CCDC180: variants seen among roughly 807,000 people sequenced by gnomAD.
CCDC180 encodes coiled-coil domain-containing protein 180.
Under a neutral mutation model 209.2 loss-of-function variants are expected in CCDC180, and 154 were observed. The ratio of observed to expected loss-of-function variants is 0.74; its 90% CI spans 0.65 to 0.84. The LOEUF (loss-of-function observed/expected upper bound fraction) is 0.84. Among genes scored for constraint, CCDC180 ranks in the 40% least tolerant of loss-of-function variants. CCDC180 has a pLI of 0.00. For synonymous variants in CCDC180, 778 were observed against 749.1 expected (o/e 1.04, Z -0.63); for missense variants, 1,874 against 1,997.3 (o/e 0.94, Z 1.18).
chr9:97,372,014 C>A, intron 34 of CCDC180: 1 of 203,810 alleles, frequency 4.9e-6, no homozygotes, highest in Non-Finnish European at 9.8e-6. Context: ...TCTTTGTAGC[C>A]AAAAAAATCC....
chr9:97,322,588 G>A (rs568796413), intron 11 of CCDC180, among the ~76,000 whole-genome samples: 2 of 152,254 alleles, frequency 1.3e-5, no homozygotes, highest in East Asian at 3.9e-4. Context: ...CCCTGAAACC[G>A]AGTCAAGAAT....
In CCDC180 at chr9:97,364,275, G is replaced by A. The variant is rs1826856777; in HGVS notation, c.3980+147G>A. 1.2e-5 allele frequency: 8 copies of A among 649,580 alleles called. No individual in the cohort carries two copies. In the Admixed American group the frequency reaches 1.6e-4, roughly 13 times the overall value. The allele number at this position is 649,580 out of a possible 1,614,324, so 40.2% of individuals were successfully genotyped here. A position where few individuals can be genotyped will look rare whatever the true frequency, so the allele number is the denominator to read the frequency against. Reference sequence around the variant, plus strand: ...GGTGAGAGGAGATAGCAAGGTCAAGGTCAGTTTGTCTCAGCCCATTTCACC... The same window carrying A: ...GGTGAGAGGAGATAGCAAGGTCAAGATCAGTTTGTCTCAGCCCATTTCACC... On this transcript the variant is annotated intron_variant, in intron 29 of 36. Transcript: ENST00000529487.
intron 34 of CCDC180, chr9:97,373,832 G>C (rs1308171099): frequency 6.6e-6 from 1 of 152,216 alleles, no homozygotes; most frequent in East Asian, 1.9e-4. Flanking sequence ...TCAAAGGTGA[G>C]CCTTGTTTGG....
chr9:97,337,964 A>G lies in CCDC180; in HGVS notation c.2275-5376A>G, dbSNP rs138116471. Among the ~76,000 whole-genome samples the G allele has an allele frequency of 8.4e-3, 1,278 of 152,272 alleles. 17 individuals are homozygous for G. The highest frequency in any genetic ancestry group is 0.029 in the African/African-American group (1,194 of 41,534). ...AGTTTATTTGCATAGCGGTGTTTAT[A>G]GTATTCTCTGATGGTAGTTTGTATT... is the stretch of plus-strand genomic sequence containing the variant. On this transcript the variant is annotated intron_variant, in intron 18 of 36. Transcript: ENST00000529487.
chr9:97,322,809 T>G, intron 11 of CCDC180, 24 bp from the exon 12 acceptor site: 2 of 1,608,040 alleles, frequency 1.2e-6, no homozygotes, highest in Non-Finnish European at 1.7e-6. Context: ...CTGGACTGAT[T>G]TGCTTTGTTT....
intron 26 of CCDC180, among the ~76,000 whole-genome samples, 190 bp downstream of exon 26, chr9:97,360,291 G>A (rs1049205150): frequency 6.6e-6 from 1 of 152,014 alleles, no homozygotes; most frequent in Non-Finnish European, 1.5e-5. Context: ...TCCCCAGGGG[G>A]CCACTTCCTT....
chr9:97,343,442 G>A lies in CCDC180; in HGVS notation c.2377G>A (p.Glu793Lys). ...TTATTTTGTCTTTGTACCCCTGGAA[G>A]AAGAGCATTGTAGGAAGTCCCATTC... ...NTYFVFVPLE[E>K]EHCRKSHSTF... is the part of the protein sequence containing the mutation. Residue 793 changes from glutamate to lysine, a missense_variant, in exon 19 of 37, where the codon GAA becomes AAA. Coordinates refer to ENST00000529487, the MANE Select transcript of CCDC180 (RefSeq NM_020893.6). 1 of 1,613,950 alleles carries A rather than the reference G, an allele frequency of 6.2e-7. No homozygotes were observed. Among genetic ancestry groups the A allele is most frequent in the Non-Finnish European group, 8.5e-7 (1 of 1,179,824 alleles).
chr9:97,331,118 C>T lies in CCDC180; in HGVS notation c.2274+351C>T, dbSNP rs148705365. ...AATAGTTCCCAGTATCTGCTGTTCG[C>T]CTCCTAGTATCCATGTGTTCTTTGT... is the stretch of plus-strand genomic sequence containing the variant. On this transcript the variant is annotated intron_variant, in intron 18 of 36. Coordinates refer to ENST00000529487, the MANE Select transcript of CCDC180 (RefSeq NM_020893.6). Among the ~76,000 whole-genome samples the T allele has an allele frequency of 5.1e-4, 78 of 152,214 alleles. 1 individual carries two copies. Among genetic ancestry groups the T allele is most frequent in the African/African-American group, 1.9e-3 (77 of 41,538 alleles).
chr9:97,326,659 A>T lies in CCDC180; in HGVS notation c.1651A>T (p.Met551Leu). Reference protein sequence around the residue: ...LEKVKDYLKNMKSRYECFHTL... With the variant: ...LEKVKDYLKNLKSRYECFHTL... ...AAAGGTCAAAGATTATCTGAAGAAC[A>T]TGAAATCCAGGTAGGCCAACCAGAC... Residue 551 changes from methionine (M) to leucine (L), a missense_variant, in exon 15 of 37, where the codon ATG becomes TTG. By Grantham distance (15) the Met-to-Leu change is conservative (BLOSUM62 2). Coordinates refer to ENST00000529487, the MANE Select transcript of CCDC180 (RefSeq NM_020893.6). 1.2e-6 allele frequency: 2 copies of T among 1,608,216 alleles called. No homozygotes were observed. Among genetic ancestry groups the T allele is most frequent in the Non-Finnish European group, 1.7e-6 (2 of 1,174,616 alleles).
At chr9:97,363,049 T>G (rs2117898999) in intron 28 of CCDC180, among the ~76,000 whole-genome samples, 1 of 152,240 alleles carries the variant, frequency 6.6e-6, no homozygotes, top group South Asian at 2.1e-4. Context: ...CCATCCAGGG[T>G]GTTTCAGCAG....
chr9:97,307,688 T>TG lies in CCDC180; in HGVS notation c.-198dup, dbSNP rs752389077. 1 of 1,574,714 alleles carries TG rather than the reference T, an allele frequency of 6.4e-7. No individual in the cohort carries two copies. Among genetic ancestry groups the TG allele is most frequent in the Non-Finnish European group, 8.7e-7 (1 of 1,145,342 alleles). Reference sequence around the variant, plus strand: ...GCCGTTAACTTTTCCCCGAAGAGCATGGCAGAGTGAAGCACAAGCAATAAT... The same window carrying TG: ...GCCGTTAACTTTTCCCCGAAGAGCATGGGCAGAGTGAAGCACAAGCAATAAT... On this transcript the variant is annotated 5_prime_UTR_variant, in exon 1 of 37. It removes the in-frame stop codon of an upstream open reading frame in the 5' UTR. Transcript: ENST00000529487.
At chr9:97,354,749 C>G (rs1392565187) in intron 23 of CCDC180, 36 bp downstream of exon 23, 2 of 1,613,372 alleles carry the variant, frequency 1.2e-6, no homozygotes, top group Non-Finnish European at 1.7e-6. Context: ...CCAACCGGTT[C>G]CACAGTATCC....
At chr9:97,333,253 T>C (rs1190126708) in intron 18 of CCDC180, among the ~76,000 whole-genome samples, 1 of 152,188 alleles carries the variant, frequency 6.6e-6, no homozygotes, top group Non-Finnish European at 1.5e-5. Flanking sequence ...TGATGTACTG[T>C]TGGATTCAGC....
chr9:97,348,452 G>T (rs975048527), intron 20 of CCDC180, among the ~76,000 whole-genome samples: 1 of 152,214 alleles, frequency 6.6e-6, no homozygotes, highest in South Asian at 2.1e-4. Context: ...TCCTTCCCAC[G>T]GCCCCTGACC....
intron 20 of CCDC180, 160 bp from the exon 21 acceptor site, chr9:97,348,951 C>T: frequency 1.6e-6 from 1 of 643,280 alleles, no homozygotes; most frequent in South Asian, 2.4e-5. Flanking sequence ...CAGCCCAAGC[C>T]CTGATGAAGG....
At chr9:97,334,269 A>G (rs570393915) in intron 18 of CCDC180, among the ~76,000 whole-genome samples, 12 of 152,166 alleles carry the variant, frequency 7.9e-5, no homozygotes, top group African/African-American at 2.7e-4. Context: ...ACTTAGCCCT[A>G]GGGAGCCGTT....
At position 97,314,427 on chromosome 9, in the gene CCDC180, T is replaced by C; in HGVS notation, c.494T>C (p.Leu165Pro). The C allele has an allele frequency of 6.2e-7, 1 of 1,613,824 alleles. No individual in the cohort carries two copies. The highest frequency in any genetic ancestry group is 8.5e-7 in the Non-Finnish European group (1 of 1,179,756). ...MEPLIVDTGG[L>P]FLKKLTESDE... Reference sequence around the variant, plus strand: ...CCTCTCATCGTGGACACAGGGGGACTTTTTTTGAAGAAGCTGACTGAGTCT... The same window carrying C: ...CCTCTCATCGTGGACACAGGGGGACCTTTTTTGAAGAAGCTGACTGAGTCT... Residue 165 changes from leucine to proline, a missense_variant, in exon 6 of 37, where the codon CTT becomes CCT. Transcript: ENST00000529487.
At chr9:97,371,088 C>T (rs574200795) in intron 33 of CCDC180, 12 of 179,272 alleles carry the variant, frequency 6.7e-5, no homozygotes, top group Non-Finnish European at 1.2e-4. Flanking sequence ...CTCAGCCTCC[C>T]GAGTAGCTGG....
At chr9:97,329,928 C>T (rs746018619) in intron 16 of CCDC180, among the ~76,000 whole-genome samples, 2 of 151,938 alleles carry the variant, frequency 1.3e-5, no homozygotes, top group Non-Finnish European at 2.9e-5. Context: ...ATTAGCCAGG[C>T]GTGGTGGCTG....
Sources: allele counts gnomAD v4.1 joint callset (sites outside exome capture counted in the v4.1 genomes callset), GRCh38; gene constraint gnomAD v4.1.1; transcripts MANE v1.5; gene names NCBI Gene and HGNC (gene_info 2026-07-23, HGNC 2026-07-21).